The following SEPTIN7 variants were observed in gnomAD, a reference collection of about 807,000 sequenced individuals.
The protein encoded by SEPTIN7 is septin-7.
SEPTIN7 carries 10 observed loss-of-function variants against 63.3 expected under a neutral mutation model. That is an observed-to-expected ratio of 0.16 (90% CI 0.10 to 0.27). SEPTIN7 has a LOEUF of 0.27. Ranked by LOEUF, SEPTIN7 falls within the 10% of genes least tolerant of loss-of-function variation. The pLI is 1.00. For missense variants in SEPTIN7, 310 were observed against 521.0 expected (o/e 0.59, Z 3.94); for synonymous variants, 131 against 165.3 (o/e 0.79, Z 1.59).
chr7:35,890,205 C>T (rs1787548104), intron 10 of SEPTIN7, among the ~76,000 whole-genome samples: 1 of 152,078 alleles, frequency 6.6e-6, no homozygotes, highest in Non-Finnish European at 1.5e-5. Context: ...TCTAAAATTT[C>T]CTTGTTTGAA....
In SEPTIN7 at chr7:35,905,334, C is replaced by T. The variant is rs899018735; in HGVS notation, c.*1041C>T. The T allele has an allele frequency of 6.6e-6, 1 of 152,574 alleles. No homozygotes were observed. Among genetic ancestry groups the T allele is most frequent in the African/African-American group, 2.4e-5 (1 of 41,462 alleles). 9.5% of individuals were successfully genotyped at this position (152,574 alleles called of 1,614,324 possible). On this transcript the variant is annotated 3_prime_UTR_variant, in exon 14 of 14. Coordinates refer to ENST00000350320, the MANE Select transcript of SEPTIN7 (RefSeq NM_001788.6). ...ATTGTGTGAGGTCTTAAATATCCTA[C>T]AGTCGATGTACAAGAGTAGAGTATG...
chr7:35,809,191 C>T (rs1788545690), intron 1 of SEPTIN7, among the ~76,000 whole-genome samples: 1 of 152,156 alleles, frequency 6.6e-6, no homozygotes, highest in African/African-American at 2.4e-5. Context: ...AATGCTGTGG[C>T]AGTTGAAATA....
At chr7:35,889,063 T>C (rs572580205) in intron 10 of SEPTIN7, among the ~76,000 whole-genome samples, 2 of 152,292 alleles carry the variant, frequency 1.3e-5, no homozygotes, top group East Asian at 1.9e-4. Context: ...TGAAGAGATA[T>C]GATGTCACCT....
At chr7:35,888,093 T>G (rs1164692159) in intron 10 of SEPTIN7, among the ~76,000 whole-genome samples, 66 of 152,102 alleles carry the variant, frequency 4.3e-4, no homozygotes, top group Admixed American at 1.3e-4. Flanking sequence ...AGGGTGTGGA[T>G]ATGGGTGTTT....
At chr7:35,910,924 G>C (rs960716433), downstream of SEPTIN7, among the ~76,000 whole-genome samples, 3 of 152,210 alleles carry the variant, frequency 2.0e-5, no homozygotes, top group Non-Finnish European at 2.9e-5. Context: ...GGCTATGCTT[G>C]TGTTTCTCCA....
intron 1 of SEPTIN7, among the ~76,000 whole-genome samples, chr7:35,806,657 A>G (rs1209665923): frequency 6.6e-6 from 1 of 152,230 alleles, no homozygotes; most frequent in Non-Finnish European, 1.5e-5. Flanking sequence ...TACTTCCACC[A>G]TCCCAGAGTT....
intron 1 of SEPTIN7, among the ~76,000 whole-genome samples, chr7:35,815,335 C>T (rs1226738495): frequency 6.6e-6 from 1 of 151,988 alleles, no homozygotes; most frequent in Non-Finnish European, 1.5e-5. Flanking sequence ...CAGAGGTAGG[C>T]AATATATGAA....
intron 10 of SEPTIN7, among the ~76,000 whole-genome samples, chr7:35,890,220 A>G (rs1005572537): frequency 3.9e-5 from 6 of 152,248 alleles, no homozygotes; most frequent in African/African-American, 1.4e-4. Flanking sequence ...TTTGAAAACA[A>G]CTTGATATGT....
chr7:35,825,782 C>CT (rs1464147186), intron 1 of SEPTIN7, among the ~76,000 whole-genome samples: 1 of 152,068 alleles, frequency 6.6e-6, no homozygotes, highest in Admixed American at 6.5e-5. Context: ...GATCTGAACT[C>CT]TAAGTTCAGA....
At chr7:35,908,160 G>T (rs532068297), downstream of SEPTIN7, among the ~76,000 whole-genome samples, 1 of 152,290 alleles carries the variant, frequency 6.6e-6, no homozygotes, top group Non-Finnish European at 1.5e-5. Context: ...AAGTAATGCC[G>T]AGATGGTTTA....
At chr7:35,851,394 A>C (rs1485841872) in intron 3 of SEPTIN7, among the ~76,000 whole-genome samples, 1 of 152,188 alleles carries the variant, frequency 6.6e-6, no homozygotes, top group East Asian at 1.9e-4. Context: ...CAAAACATGT[A>C]TAATGCATTT....
intron 1 of SEPTIN7, among the ~76,000 whole-genome samples, chr7:35,808,302 T>C (rs139291298): frequency 1.6e-4 from 24 of 152,346 alleles, no homozygotes; most frequent in Admixed American, 3.9e-4. Context: ...GTTTTTTGCA[T>C]ATGGAAGTTA....
At chr7:35,863,521 T>A (rs1253648496) in intron 3 of SEPTIN7, 31 bp from the exon 4 acceptor site, 4 of 1,381,416 alleles carry the variant, frequency 2.9e-6, no homozygotes, top group Non-Finnish European at 4.0e-6. Context: ...AGTGGGTGAG[T>A]TTAACAGATA....
chr7:35,823,666 T>C (rs1244374067), intron 1 of SEPTIN7, among the ~76,000 whole-genome samples: 4 of 152,204 alleles, frequency 2.6e-5, no homozygotes, highest in Non-Finnish European at 5.9e-5. Flanking sequence ...CCAATTTTAT[T>C]GTACTCAAGT....
chr7:35,889,873 AAGGGAGTTTT>A (rs1436925143), intron 10 of SEPTIN7, among the ~76,000 whole-genome samples: 2 of 152,070 alleles, frequency 1.3e-5, no homozygotes, highest in African/African-American at 4.8e-5. Context: ...TGTCTCCCAG[AAGGGAGTTTT>A]AGTAAAGTGG....
intron 10 of SEPTIN7, among the ~76,000 whole-genome samples, chr7:35,887,578 C>G (rs918850014): frequency 1.1e-4 from 16 of 152,192 alleles, no homozygotes; most frequent in African/African-American, 3.9e-4. Context: ...AACTCCTGAC[C>G]TCAAGTAAAC....
At chr7:35,848,699 C>T (rs1184957042) in intron 3 of SEPTIN7, among the ~76,000 whole-genome samples, 1 of 152,140 alleles carries the variant, frequency 6.6e-6, no homozygotes, top group African/African-American at 2.4e-5. Flanking sequence ...CAGACCCTAA[C>T]CTAACCTAGG....
At chr7:35,822,835 T>G (rs1289493990) in intron 1 of SEPTIN7, among the ~76,000 whole-genome samples, 1 of 152,240 alleles carries the variant, frequency 6.6e-6, no homozygotes, top group Non-Finnish European at 1.5e-5. Flanking sequence ...TTTCTACCCC[T>G]TCTTAAAATT....
chr7:35,870,459 T>TCTC (rs1583594473), intron 4 of SEPTIN7, among the ~76,000 whole-genome samples: 1 of 152,238 alleles, frequency 6.6e-6, no homozygotes, highest in Non-Finnish European at 1.5e-5. Context: ...TATTGTTGTA[T>TCTC]CACTTTCTAG....
Sources: gnomAD v4.1 joint callset for allele counts (sites outside exome capture counted in the v4.1 genomes callset) on GRCh38, gnomAD v4.1.1 for gene constraint, MANE v1.5 for transcripts, NCBI Gene and HGNC (gene_info 2026-07-23, HGNC 2026-07-21) for gene names.